The following KCNIP4 variants were observed in gnomAD, a reference collection of about 807,000 sequenced individuals.
KCNIP4 encodes the protein potassium voltage-gated channel interacting protein 4, also known as Kv channel-interacting protein 4.
A neutral mutation model predicts 34.0 loss-of-function variants in KCNIP4; 12 were observed. That is an observed-to-expected ratio of 0.35 (90% CI 0.23 to 0.57). The LOEUF is 0.57. Among genes scored for constraint, KCNIP4 ranks in the 20% least tolerant of loss-of-function variants. The pLI, the probability that KCNIP4 is intolerant of heterozygous loss-of-function variation, is 0.83. For synonymous variants in KCNIP4, 124 were observed against 102.2 expected, an observed-to-expected ratio of 1.21 and a Z score of -1.29; for missense variants, 238 against 311.7, an observed-to-expected ratio of 0.76 and a Z score of 1.78.
chr4:21,310,693 G>A (rs776290740), intron 1 of KCNIP4, among the ~76,000 whole-genome samples: 23 of 151,782 alleles, frequency 1.5e-4, no homozygotes, highest in Admixed American at 1.5e-3. Context: ...GTGCAGTGGC[G>A]CGATTTCGGG....
At chr4:21,270,421 T>C (rs1311226396) in intron 1 of KCNIP4, among the ~76,000 whole-genome samples, 2 of 152,152 alleles carry the variant, frequency 1.3e-5, no homozygotes, top group East Asian at 3.9e-4. Flanking sequence ...GGTAGTAACG[T>C]AAACGTGTTA....
intron 1 of KCNIP4, among the ~76,000 whole-genome samples, chr4:20,932,653 A>T (rs1730600045): frequency 6.6e-6 from 1 of 152,148 alleles, no homozygotes; most frequent in South Asian, 2.1e-4. Flanking sequence ...TAGTTTTTCC[A>T]TAACTTGTAA....
chr4:21,102,524 G>A (rs374990066), intron 1 of KCNIP4, among the ~76,000 whole-genome samples: 4 of 152,204 alleles, frequency 2.6e-5, no homozygotes, highest in Non-Finnish European at 4.4e-5. Flanking sequence ...CTCAATATAT[G>A]GTTCTGGATT....
chr4:21,919,275 G>C (rs1285042963), intron 1 of KCNIP4, among the ~76,000 whole-genome samples: 2 of 152,134 alleles, frequency 1.3e-5, no homozygotes, highest in Non-Finnish European at 2.9e-5. Context: ...GGCCAATTAA[G>C]TTTTAACTAC....
chr4:20,935,678 C>T (rs1209960657), intron 1 of KCNIP4, among the ~76,000 whole-genome samples: 1 of 152,170 alleles, frequency 6.6e-6, no homozygotes, highest in Non-Finnish European at 1.5e-5. Context: ...GTTTCCCTTA[C>T]AAGTAAACAG....
chr4:21,920,914 C>G (rs753164798), intron 1 of KCNIP4, among the ~76,000 whole-genome samples: 1 of 150,872 alleles, frequency 6.6e-6, no homozygotes, highest in Non-Finnish European at 1.5e-5. Context: ...CTGTCTAGTT[C>G]TACCTCGTGT....
At chr4:21,639,825 G>A (rs892934768) in intron 1 of KCNIP4, among the ~76,000 whole-genome samples, 1 of 151,968 alleles carries the variant, frequency 6.6e-6, no homozygotes, top group Non-Finnish European at 1.5e-5. Context: ...TCTGGAACTG[G>A]GTAAAAAACT....
chr4:21,757,155 GAA>G (rs1176124267), intron 1 of KCNIP4, among the ~76,000 whole-genome samples: 1 of 32,218 alleles, frequency 3.1e-5, no homozygotes. Flanking sequence ...AAGAAAGAAA[GAA>G]AGAAAGAAAG....
At chr4:21,711,367 G>C (rs1289371963) in intron 1 of KCNIP4, among the ~76,000 whole-genome samples, 1 of 152,138 alleles carries the variant, frequency 6.6e-6, no homozygotes, top group East Asian at 1.9e-4. Context: ...AGCTACTCAG[G>C]AGGCTGAGGC....
chr4:21,184,856 G>A (rs1289005862), intron 1 of KCNIP4, among the ~76,000 whole-genome samples: 1 of 152,100 alleles, frequency 6.6e-6, no homozygotes, highest in Non-Finnish European at 1.5e-5. Flanking sequence ...TAGCACAGGT[G>A]ATCTCATACT....
intron 4 of KCNIP4, chr4:20,752,500 A>T (rs1310044965): frequency 6.6e-6 from 1 of 152,260 alleles, no homozygotes; most frequent in Non-Finnish European, 1.5e-5. Context: ...TACCTTAAAC[A>T]CATGTGATCA....
intron 1 of KCNIP4, among the ~76,000 whole-genome samples, chr4:21,380,440 G>GAAGGGA (rs1553873161): frequency 8.1e-6 from 1 of 122,714 alleles, no homozygotes; most frequent in African/African-American, 3.2e-5. Flanking sequence ...TGAGGGAGAG[G>GAAGGGA]GAGGGAGAGG....
intron 1 of KCNIP4, among the ~76,000 whole-genome samples, chr4:21,942,695 C>T (rs1246794345): frequency 6.6e-6 from 1 of 152,208 alleles, no homozygotes; most frequent in Non-Finnish European, 1.5e-5. Flanking sequence ...GTGGGTCTAC[C>T]ATGGGACAAC....
chr4:21,169,639 G>A (rs1307996998), intron 1 of KCNIP4, among the ~76,000 whole-genome samples: 1 of 149,758 alleles, frequency 6.7e-6, no homozygotes, highest in Non-Finnish European at 1.5e-5. Context: ...GGTTTCATAT[G>A]TATGTAGTCA....
At position 21,498,783 on chromosome 4, in the gene KCNIP4, G is replaced by T. The variant is rs1449772885; in HGVS notation, c.61+449788C>A. Among the ~76,000 whole-genome samples the T allele has an allele frequency of 2.6e-5, 4 of 152,124 alleles. No homozygotes were observed. The South Asian group carries it at 8.3e-4, about 31-fold the overall frequency. Reference sequence around the variant, plus strand: ...ACATAGACTGTAAGAAATAACAACTGTGCAGATGAGAAACAATAGAGGTGG... The same window carrying T: ...ACATAGACTGTAAGAAATAACAACTTTGCAGATGAGAAACAATAGAGGTGG... On this transcript the variant is annotated intron_variant, in intron 1 of 8. Transcript: ENST00000382152.
intron 1 of KCNIP4, among the ~76,000 whole-genome samples, chr4:21,551,454 A>G (rs752176205): frequency 2.2e-4 from 34 of 152,138 alleles, no homozygotes; most frequent in Non-Finnish European, 4.4e-5. Flanking sequence ...CTGATGAATT[A>G]TTAAATGATC....
intron 1 of KCNIP4, among the ~76,000 whole-genome samples, chr4:21,313,968 G>A (rs982884519): frequency 4.6e-5 from 7 of 152,188 alleles, no homozygotes; most frequent in Non-Finnish European, 1.0e-4. Context: ...TTAGCAGAGT[G>A]CTCTATTCAG....
At chr4:21,293,437 T>A (rs1405895628) in intron 1 of KCNIP4, among the ~76,000 whole-genome samples, 1 of 152,174 alleles carries the variant, frequency 6.6e-6, no homozygotes, top group Non-Finnish European at 1.5e-5. Context: ...TTCAACTGAG[T>A]TTCTTAGCCA....
At chr4:20,846,620 C>CA (rs977830192) in intron 3 of KCNIP4, among the ~76,000 whole-genome samples, 1 of 151,968 alleles carries the variant, frequency 6.6e-6, no homozygotes, top group African/African-American at 2.4e-5. Flanking sequence ...TAAAAATCCT[C>CA]AAAAATAAGA....
Sources: allele counts gnomAD v4.1 joint callset (sites outside exome capture counted in the v4.1 genomes callset), GRCh38; gene constraint gnomAD v4.1.1; transcripts MANE v1.5; gene names NCBI Gene and HGNC (gene_info 2026-07-23, HGNC 2026-07-21).